ARHGEF3: variants seen among roughly 807,000 people sequenced by gnomAD.
ARHGEF3 encodes Rho guanine nucleotide exchange factor 3.
In ARHGEF3, 28 loss-of-function variants were observed where a neutral mutation model predicts 63.2. The observed-to-expected ratio is 0.44, with a 90% CI of 0.33 to 0.61. ARHGEF3 has a LOEUF of 0.61. Ranked by LOEUF, ARHGEF3 falls within the 20% of genes least tolerant of loss-of-function variation. The pLI is 0.03. For synonymous variants in ARHGEF3, 266 were observed against 254.2 expected, an observed-to-expected ratio of 1.05 and a Z score of -0.44; for missense variants, 533 against 659.3, an observed-to-expected ratio of 0.81 and a Z score of 2.10.
At chr3:56,735,626 T>C (rs929676745) in intron 8 of ARHGEF3, among the ~76,000 whole-genome samples, 5 of 152,192 alleles carry the variant, frequency 3.3e-5, no homozygotes, top group African/African-American at 1.2e-4. Flanking sequence ...CTATTTCTCA[T>C]TGGGCTTCCT....
At chr3:56,762,022 C>T (rs376957599) in intron 2 of ARHGEF3, among the ~76,000 whole-genome samples, 2 of 152,186 alleles carry the variant, frequency 1.3e-5, no homozygotes, top group South Asian at 2.1e-4. Flanking sequence ...TTGTGGGAGG[C>T]TCTCCTGTGC....
At chr3:57,055,296 G>A (rs1037648935) in intron 1 of ARHGEF3, among the ~76,000 whole-genome samples, 4 of 151,660 alleles carry the variant, frequency 2.6e-5, no homozygotes, top group Non-Finnish European at 5.9e-5. Flanking sequence ...TGAGTAGCTG[G>A]GACTACAGGC....
chr3:56,965,634 G>C (rs1041067411), intron 2 of ARHGEF3, among the ~76,000 whole-genome samples: 2 of 149,176 alleles, frequency 1.3e-5, no homozygotes, highest in African/African-American at 4.9e-5. Context: ...TAGATTAAAT[G>C]AAACTACATT....
intron 7 of ARHGEF3, among the ~76,000 whole-genome samples, chr3:56,742,779 TA>T (rs1421356353): frequency 3.9e-5 from 6 of 152,232 alleles, no homozygotes; most frequent in Non-Finnish European, 7.3e-5. Context: ...TCTGCCTGAA[TA>T]ACTAGATGCA....
At chr3:56,782,645 T>C (rs1250287021) in intron 1 of ARHGEF3, among the ~76,000 whole-genome samples, 3 of 67,236 alleles carry the variant, frequency 4.5e-5, no homozygotes, top group African/African-American at 2.8e-4. Context: ...CCCAATTTCC[T>C]TCTTAAAAAA....
At chr3:56,888,626 G>A (rs953384833) in intron 3 of ARHGEF3, among the ~76,000 whole-genome samples, 1 of 152,194 alleles carries the variant, frequency 6.6e-6, no homozygotes, top group African/African-American at 2.4e-5. Context: ...CCAGGGGCCA[G>A]GCATGGTGGC....
At chr3:56,977,906 G>A (rs1701183952) in intron 2 of ARHGEF3, among the ~76,000 whole-genome samples, 1 of 152,180 alleles carries the variant, frequency 6.6e-6, no homozygotes, top group Non-Finnish European at 1.5e-5. Context: ...CTATCACTAA[G>A]GCAATGGTGC....
chr3:56,899,485 A>T (rs560356725), intron 3 of ARHGEF3, among the ~76,000 whole-genome samples: 2 of 152,314 alleles, frequency 1.3e-5, no homozygotes, highest in Admixed American at 6.5e-5. Flanking sequence ...AATAGCACCT[A>T]GTTAGAATTT....
intron 1 of ARHGEF3, among the ~76,000 whole-genome samples, chr3:57,042,411 A>C (rs748418849): frequency 6.6e-6 from 1 of 151,814 alleles, no homozygotes; most frequent in Non-Finnish European, 1.5e-5. Flanking sequence ...AACCCCACAT[A>C]CTTCAAGACT....
chr3:56,870,203 G>C (rs2040392211), intron 4 of ARHGEF3, among the ~76,000 whole-genome samples: 1 of 152,044 alleles, frequency 6.6e-6, no homozygotes, highest in African/African-American at 2.4e-5. Flanking sequence ...ATAAGCAGCA[G>C]TTTAAAAGAA....
intron 4 of ARHGEF3, among the ~76,000 whole-genome samples, chr3:56,871,458 A>T (rs2040429707): frequency 1.3e-5 from 2 of 152,160 alleles, no homozygotes; most frequent in African/African-American, 2.4e-5. Flanking sequence ...AACTAAAAAC[A>T]AAAACAAAAA....
chr3:56,894,643 T>G (rs1183438302), intron 3 of ARHGEF3, among the ~76,000 whole-genome samples: 1 of 152,054 alleles, frequency 6.6e-6, no homozygotes, highest in African/African-American at 2.4e-5. Flanking sequence ...TTTTTAATTA[T>G]AAAAAATTTT....
At chr3:56,801,031 A>G (rs2037624351) in intron 1 of ARHGEF3, among the ~76,000 whole-genome samples, 1 of 152,268 alleles carries the variant, frequency 6.6e-6, no homozygotes, top group Non-Finnish European at 1.5e-5. Context: ...GAAAGTTCCC[A>G]GAAAGAGAAA....
Position 56,819,890 on chromosome 3 carries a change from G to T in ARHGEF3, c.193-46074C>A, listed in dbSNP as rs1008171820. On this transcript the variant is annotated intron_variant, in intron 4 of 12. Coordinates refer to the ARHGEF3 transcript ENST00000338458. ...AGTGGCACAGTTGTGGCTCACTACA[G>T]CCTGGACCTCCTGGGCTCAAGCATT... Among the ~76,000 whole-genome samples the T allele has an allele frequency of 6.6e-5, 10 of 151,382 alleles. No individual in the cohort carries two copies. In the South Asian group the frequency reaches 1.2e-3, roughly 19 times the overall value.
intron 2 of ARHGEF3, among the ~76,000 whole-genome samples, chr3:56,761,976 C>T (rs1033956681): frequency 3.9e-5 from 6 of 152,300 alleles, no homozygotes; most frequent in Middle Eastern, 3.4e-3. Context: ...GTTTCTCAAC[C>T]TGGCCACCAC....
rs1057411768 is a variant in ARHGEF3 at position 56,843,307 on chromosome 3, T to A, written c.192+38985A>T. Among the ~76,000 whole-genome samples the A allele has an allele frequency of 5.9e-5, 9 of 152,320 alleles. No homozygotes were observed. In the Middle Eastern group the frequency reaches 0.014, roughly 230 times the overall value. ...CAGGGTCTCACTCTGTCTCCCAGGC[T>A]AGAGTACAAGGGCATGATCTTGGCT... On this transcript the variant is annotated intron_variant, in intron 4 of 12. Coordinates refer to the ARHGEF3 transcript ENST00000338458.
intron 3 of ARHGEF3, among the ~76,000 whole-genome samples, chr3:56,948,656 A>G (rs1460644806): frequency 4.0e-5 from 6 of 151,736 alleles, no homozygotes; most frequent in Admixed American, 2.0e-4. Context: ...CAACCAAAAA[A>G]AGTCCAGGAC....
intron 4 of ARHGEF3, among the ~76,000 whole-genome samples, chr3:56,861,294 T>C (rs1473333328): frequency 1.3e-5 from 2 of 152,200 alleles, no homozygotes; most frequent in East Asian, 3.9e-4. Flanking sequence ...TGGAGGAGTC[T>C]TAGGGGCCAT....
intron 3 of ARHGEF3, among the ~76,000 whole-genome samples, chr3:56,882,995 TCTGA>T (rs1321869195): frequency 6.6e-6 from 1 of 152,224 alleles, no homozygotes; most frequent in Non-Finnish European, 1.5e-5. Context: ...AAGTTCAGAT[TCTGA>T]CTAACTTGGA....
Sources: gnomAD v4.1 joint callset for allele counts (sites outside exome capture counted in the v4.1 genomes callset) on GRCh38, gnomAD v4.1.1 for gene constraint, MANE v1.5 for transcripts, NCBI Gene and HGNC (gene_info 2026-07-23, HGNC 2026-07-21) for gene names.